Variants in KCNQ3 observed in about 807,000 individuals in gnomAD.
The protein encoded by KCNQ3 is potassium voltage-gated channel subfamily Q member 3, also known as potassium voltage-gated channel subfamily KQT member 3.
Under a neutral mutation model 92.5 loss-of-function variants are expected in KCNQ3, and 30 were observed. The ratio of observed to expected loss-of-function variants is 0.32; its 90% CI spans 0.24 to 0.44. The LOEUF is 0.44. Ranked by LOEUF, KCNQ3 falls within the 20% of genes least tolerant of loss-of-function variation. The pLI is 1.00. For missense variants in KCNQ3, 913 were observed against 1,140.3 expected (o/e 0.80, Z 2.87); for synonymous variants, 450 against 468.8 (o/e 0.96, Z 0.52).
At chr8:132,401,471 G>A (rs995377030) in intron 1 of KCNQ3, among the ~76,000 whole-genome samples, 1 of 151,870 alleles carries the variant, frequency 6.6e-6, no homozygotes, top group Non-Finnish European at 1.5e-5. Context: ...CAAATCCCTG[G>A]CTCAAGCAAT....
chr8:132,361,886 G>T (rs1819183908), intron 1 of KCNQ3, among the ~76,000 whole-genome samples: 1 of 152,138 alleles, frequency 6.6e-6, no homozygotes, highest in Non-Finnish European at 1.5e-5. Flanking sequence ...TATTTATAAT[G>T]AAGTAATAGT....
At chr8:132,205,433 T>A (rs1198600063) in intron 1 of KCNQ3, among the ~76,000 whole-genome samples, 1 of 152,234 alleles carries the variant, frequency 6.6e-6, no homozygotes, top group African/African-American at 2.4e-5. Context: ...ATGAAAATGA[T>A]GCCAAATGTC....
intron 1 of KCNQ3, among the ~76,000 whole-genome samples, chr8:132,207,987 C>T (rs1813722326): frequency 6.6e-6 from 1 of 150,944 alleles, no homozygotes; most frequent in Admixed American, 6.6e-5. Context: ...ACAGCTTCTG[C>T]TTGCTCAGCT....
chr8:132,371,053 G>A (rs1819459066), intron 1 of KCNQ3, among the ~76,000 whole-genome samples: 1 of 152,120 alleles, frequency 6.6e-6, no homozygotes, highest in African/African-American at 2.4e-5. Flanking sequence ...AATATCCCTC[G>A]TTTCCTGGAC....
chr8:132,367,254 T>A (rs1441912538), intron 1 of KCNQ3, among the ~76,000 whole-genome samples: 1 of 140,152 alleles, frequency 7.1e-6, no homozygotes, highest in African/African-American at 3.2e-5. Context: ...CACATCAGTA[T>A]TTTTTTTTCC....
chr8:132,268,312 G>T (rs140987203), intron 1 of KCNQ3, among the ~76,000 whole-genome samples: 2,380 of 152,172 alleles, frequency 0.016, 27 homozygotes, highest in Non-Finnish European at 0.024. Context: ...TCACTCAGTT[G>T]GTCACCCAGC....
At chr8:132,416,124 C>T (rs1344726987) in intron 1 of KCNQ3, among the ~76,000 whole-genome samples, 1 of 152,196 alleles carries the variant, frequency 6.6e-6, no homozygotes, top group Non-Finnish European at 1.5e-5. Context: ...TGTCTTGAGG[C>T]ACTCACGTTT....
At chr8:132,267,626 C>T (rs726576) in intron 1 of KCNQ3, among the ~76,000 whole-genome samples, 88,044 of 151,988 alleles carry the variant, frequency 0.58, 26,679 homozygotes, top group East Asian at 0.78. Flanking sequence ...AAAACTCTTA[C>T]TACAGTCTGC....
intron 1 of KCNQ3, among the ~76,000 whole-genome samples, chr8:132,199,803 G>T (rs1267426940): frequency 6.6e-6 from 1 of 151,858 alleles, no homozygotes; most frequent in African/African-American, 2.4e-5. Context: ...TCAGCTATTC[G>T]GGAGGCTGAG....
intron 1 of KCNQ3, among the ~76,000 whole-genome samples, chr8:132,461,037 T>G (rs370352657): frequency 6.6e-6 from 1 of 152,244 alleles, no homozygotes; most frequent in South Asian, 2.1e-4. Flanking sequence ...CAATATGCAT[T>G]TAAGATTCAT....
intron 1 of KCNQ3, chr8:132,186,550 T>C (rs1172262325): frequency 2.7e-6 from 1 of 367,078 alleles, no homozygotes; most frequent in African/African-American, 2.1e-5. Flanking sequence ...TAATTAATAA[T>C]GTGTTCTACA....
intron 1 of KCNQ3, among the ~76,000 whole-genome samples, chr8:132,299,767 A>T (rs1264385775): frequency 7.5e-6 from 1 of 133,078 alleles, no homozygotes. Context: ...CTCTTCCATA[A>T]TCAGATATGC....
rs555476690 is a variant in KCNQ3, at chr8:132,239,640, C to T, written c.387-53459G>A. The stretch of plus-strand genomic sequence containing the variant: ...CTATGTGTAACCCTTGCAATGATTT[C>T]CAGTGAAATGTGACATTTAAGACAC... On this transcript the variant is annotated intron_variant, in intron 1 of 14. Transcript: ENST00000388996. 3.9e-5 allele frequency among the ~76,000 whole-genome samples: 6 copies of T among 152,160 alleles called. No individual in the cohort carries two copies. In the South Asian group the frequency reaches 1.2e-3, roughly 31 times the overall value.
At chr8:132,336,161 G>A (rs1332655547) in intron 1 of KCNQ3, among the ~76,000 whole-genome samples, 1 of 152,166 alleles carries the variant, frequency 6.6e-6, no homozygotes, top group Non-Finnish European at 1.5e-5. Context: ...ATAGGGCAGG[G>A]TCTAGGGCTG....
Position 132,129,172 on chromosome 8 carries a change from G to A in KCNQ3, c.*90C>T. ...ACGCATGCATTTGATGCAGCCATTG[G>A]TGTCCCCGCTGGTAAGCGTCGGGTG... On this transcript the variant is annotated 3_prime_UTR_variant, in exon 15 of 15. Transcript: ENST00000388996. This position sits in a 1 kb window ranked among gnomAD's most constrained non-coding sequence, Gnocchi z 5.9. The A allele has an allele frequency of 6.7e-7, 1 of 1,492,304 alleles. No homozygotes were observed. The highest frequency in any genetic ancestry group is 9.1e-7 in the Non-Finnish European group (1 of 1,094,190). The allele number at this position is 1,492,304 out of a possible 1,614,324, so 92.4% of individuals were successfully genotyped here. A position where few individuals can be genotyped will look rare whatever the true frequency, so the allele number is the denominator to read the frequency against.
At chr8:132,360,672 C>G (rs539392278) in intron 1 of KCNQ3, among the ~76,000 whole-genome samples, 29 of 152,300 alleles carry the variant, frequency 1.9e-4, no homozygotes, top group Non-Finnish European at 3.8e-4. Flanking sequence ...CATCTCTGGT[C>G]CCTCCTCTTT....
chr8:132,167,828 C>T (rs974193644), intron 8 of KCNQ3, among the ~76,000 whole-genome samples: 1 of 152,194 alleles, frequency 6.6e-6, no homozygotes, highest in Non-Finnish European at 1.5e-5. Context: ...TTGCCAACAC[C>T]TTGGGATGCA....
rs1426357782 is a variant in KCNQ3, at chr8:132,369,989, T to C, written c.386+110158A>G. 3.3e-5 allele frequency among the ~76,000 whole-genome samples: 5 copies of C among 152,320 alleles called. No individual in the cohort carries two copies. In the East Asian group the frequency reaches 9.6e-4, roughly 29 times the overall value. On this transcript the variant is annotated intron_variant, in intron 1 of 14. Transcript: ENST00000388996. ...CCTCTGCTGACAATGCCCTTTCACC[T>C]GTTCTCTCTTGCTGGAATTCCACTC...
intron 1 of KCNQ3, among the ~76,000 whole-genome samples, chr8:132,242,998 A>T (rs994052526): frequency 3.3e-5 from 5 of 152,362 alleles, no homozygotes; most frequent in African/African-American, 1.2e-4. Context: ...CCAAAGAAAC[A>T]GTGGCAATCT....
Sources: gnomAD v4.1 joint callset for allele counts (sites outside exome capture counted in the v4.1 genomes callset) on GRCh38, gnomAD v4.1.1 for gene constraint, Gnocchi (gnomAD v3.1) non-coding constraint, MANE v1.5 for transcripts, NCBI Gene and HGNC (gene_info 2026-07-23, HGNC 2026-07-21) for gene names.